Variants in EYA4 observed in about 807,000 individuals in gnomAD.
EYA4 encodes EYA transcriptional coactivator and phosphatase 4, also known as protein phosphatase EYA4.
EYA4 carries 31 observed loss-of-function variants against 87.9 expected under a neutral mutation model. The ratio of observed to expected loss-of-function variants is 0.35; its 90% CI spans 0.27 to 0.48. The LOEUF (loss-of-function observed/expected upper bound fraction) is 0.48. Ranked by LOEUF, EYA4 falls within the 20% of genes least tolerant of loss-of-function variation. EYA4 has a pLI of 0.99. For synonymous variants in EYA4, 263 were observed against 270.6 expected, an observed-to-expected ratio of 0.97 and a Z score of 0.28; for missense variants, 678 against 761.4, an observed-to-expected ratio of 0.89 and a Z score of 1.29.
At chr6:133,273,352 G>T (rs1776895561) in intron 1 of EYA4, among the ~76,000 whole-genome samples, 1 of 151,862 alleles carries the variant, frequency 6.6e-6, no homozygotes, top group African/African-American at 2.4e-5. Context: ...TGATTAGATT[G>T]TGCCTGCCAG....
chr6:133,369,561 C>T (rs1341365663), intron 2 of EYA4, among the ~76,000 whole-genome samples: 1 of 152,050 alleles, frequency 6.6e-6, no homozygotes, highest in South Asian at 2.1e-4. Context: ...TAGAAGAGAG[C>T]CCTGTACTTT....
intron 3 of EYA4, among the ~76,000 whole-genome samples, chr6:133,399,105 C>A (rs528644837): frequency 3.3e-5 from 5 of 152,270 alleles, no homozygotes; most frequent in African/African-American, 1.2e-4. Context: ...CTGGATCATG[C>A]TAAATTCAGG....
At chr6:133,372,483 A>ACTT (rs1362953387) in intron 2 of EYA4, among the ~76,000 whole-genome samples, 1 of 106,156 alleles carries the variant, frequency 9.4e-6, no homozygotes, top group Non-Finnish European at 2.1e-5. Flanking sequence ...AATATAAAAT[A>ACTT]TAAAACTACT....
At chr6:133,493,856 C>G (rs1451473858) in intron 13 of EYA4, among the ~76,000 whole-genome samples, 5 of 152,300 alleles carry the variant, frequency 3.3e-5, no homozygotes, top group South Asian at 4.2e-4. Context: ...CATTGATCAT[C>G]AGAGAAACTC....
chr6:133,495,612 G>C (rs1469835246), intron 13 of EYA4, among the ~76,000 whole-genome samples: 1 of 152,068 alleles, frequency 6.6e-6, no homozygotes, highest in Non-Finnish European at 1.5e-5. Flanking sequence ...CTGCTATGCA[G>C]AGAATAGAAT....
At chr6:133,417,427 A>G (rs547693345) in intron 3 of EYA4, among the ~76,000 whole-genome samples, 1 of 152,336 alleles carries the variant, frequency 6.6e-6, no homozygotes, top group South Asian at 2.1e-4. Flanking sequence ...GACCTGAGAC[A>G]GTGAAAGAGG....
chr6:133,367,644 T>G (rs1554237276), intron 2 of EYA4, among the ~76,000 whole-genome samples: 4 of 152,162 alleles, frequency 2.6e-5, no homozygotes, highest in Non-Finnish European at 2.9e-5. Flanking sequence ...AAGCACTGTA[T>G]AGAGGTTTTG....
At chr6:133,469,753 G>A (rs1052371504) in intron 11 of EYA4, among the ~76,000 whole-genome samples, 8 of 151,896 alleles carry the variant, frequency 5.3e-5, no homozygotes, top group Admixed American at 5.3e-4. Context: ...AGAAAAAAAT[G>A]GTGGAAATCT....
intron 1 of EYA4, among the ~76,000 whole-genome samples, chr6:133,244,696 G>A (rs563889181): frequency 6.6e-6 from 1 of 151,348 alleles, no homozygotes; most frequent in East Asian, 1.9e-4. Context: ...TGTACTTTGG[G>A]GTGTAAATAA....
rs552061121 is a variant in EYA4 at position 133,425,532 on chromosome 6, G to A, written c.84-21098G>A. ...AATCACTCATCTTTCACTGAAAACA[G>A]TCCCTCCACTTTCTTCCTGTTTTGT... On this transcript the variant is annotated intron_variant, in intron 3 of 19. Coordinates refer to ENST00000355286, the MANE Select transcript of EYA4 (RefSeq NM_004100.5). Among the ~76,000 whole-genome samples the A allele has an allele frequency of 7.4e-4, 111 of 150,642 alleles. 2 individuals are homozygous for A. The highest frequency in any genetic ancestry group is 3.4e-3 in the Middle Eastern group (1 of 294).
At chr6:133,348,359 C>T (rs1783371232) in intron 2 of EYA4, among the ~76,000 whole-genome samples, 1 of 149,824 alleles carries the variant, frequency 6.7e-6, no homozygotes, top group South Asian at 2.1e-4. Flanking sequence ...CTGCAACCTC[C>T]ACCTCCCGGG....
chr6:133,427,592 A>G (rs1489093700), intron 3 of EYA4, among the ~76,000 whole-genome samples: 3 of 152,184 alleles, frequency 2.0e-5, no homozygotes, highest in African/African-American at 4.8e-5. Context: ...AGCTCACTCT[A>G]TTGAAGTCCT....
intron 3 of EYA4, among the ~76,000 whole-genome samples, chr6:133,398,489 GTC>G (rs1787987878): frequency 6.6e-6 from 1 of 152,138 alleles, no homozygotes; most frequent in Non-Finnish European, 1.5e-5. Context: ...TATTTAAAGA[GTC>G]TGATTTTTTT....
At chr6:133,507,664 C>T (rs112727836) in intron 14 of EYA4, among the ~76,000 whole-genome samples, 6,206 of 152,090 alleles carry the variant, frequency 0.041, 449 homozygotes, top group African/African-American at 0.14. Context: ...CTGAGAATGA[C>T]GATTTCCAGC....
Position 133,529,023 on chromosome 6 carries a change from A to G in EYA4, c.*218A>G. 1 of 1,334,928 alleles carries G rather than the reference A, an allele frequency of 7.5e-7. No homozygotes were observed. Among genetic ancestry groups the G allele is most frequent in the Admixed American group, 3.1e-5 (1 of 32,436 alleles). The allele number at this position is 1,334,928 out of a possible 1,614,324, so 82.7% of individuals were successfully genotyped here. On this transcript the variant is annotated 3_prime_UTR_variant, in exon 20 of 20. Transcript: ENST00000355286. ...ATGGTCTTATATTTACAACACTTTA[A>G]TGGGTTTTTTAAAAATCTGTGGAGG...
intron 1 of EYA4, among the ~76,000 whole-genome samples, chr6:133,243,955 G>A (rs1009016244): frequency 2.6e-5 from 4 of 152,066 alleles, no homozygotes; most frequent in African/African-American, 4.8e-5. Context: ...GTTATAAACC[G>A]TAAAAATAGT....
chr6:133,317,188 A>T (rs774112424), intron 2 of EYA4, among the ~76,000 whole-genome samples: 4 of 152,226 alleles, frequency 2.6e-5, no homozygotes, highest in Non-Finnish European at 5.9e-5. Context: ...ACATTAAGAA[A>T]GAGATACTTG....
chr6:133,400,366 G>T (rs1788156064), intron 3 of EYA4, among the ~76,000 whole-genome samples: 1 of 152,006 alleles, frequency 6.6e-6, no homozygotes. Context: ...AAATTAGTAG[G>T]GTGTGGTGGC....
intron 2 of EYA4, among the ~76,000 whole-genome samples, chr6:133,282,393 G>T (rs1251572461): frequency 1.3e-5 from 2 of 152,102 alleles, no homozygotes; most frequent in African/African-American, 4.8e-5. Context: ...GTCCTCTTTT[G>T]AGAAATGTCT....
Sources: gnomAD v4.1 joint callset for allele counts (sites outside exome capture counted in the v4.1 genomes callset) on GRCh38, gnomAD v4.1.1 for gene constraint, MANE v1.5 for transcripts, NCBI Gene and HGNC (gene_info 2026-07-23, HGNC 2026-07-21) for gene names.